Variants in KCNH7 observed in about 807,000 individuals in gnomAD.
KCNH7 encodes potassium voltage-gated channel subfamily H member 7.
A neutral mutation model predicts 120.8 loss-of-function variants in KCNH7; 49 were observed. The ratio of observed to expected loss-of-function variants is 0.41; its 90% CI spans 0.32 to 0.51. The LOEUF (loss-of-function observed/expected upper bound fraction) is 0.51, where lower values mean the gene tolerates loss of function less well. KCNH7 is among the 20% of genes least tolerant of loss of function. The pLI is 0.38. For missense variants in KCNH7, 1,097 were observed against 1,446.6 expected (o/e 0.76, Z 3.92); for synonymous variants, 547 against 516.1 (o/e 1.06, Z -0.81).
intron 6 of KCNH7, among the ~76,000 whole-genome samples, chr2:162,483,018 T>G (rs1689979864): frequency 6.6e-6 from 1 of 152,120 alleles, no homozygotes; most frequent in Non-Finnish European, 1.5e-5. Flanking sequence ...AGAAGGAGAA[T>G]GGGAATGAAG....
At chr2:162,673,133 A>G (rs1685417432) in intron 2 of KCNH7, among the ~76,000 whole-genome samples, 2 of 152,048 alleles carry the variant, frequency 1.3e-5, no homozygotes, top group Non-Finnish European at 2.9e-5. Flanking sequence ...ATATTTGCAA[A>G]TTCTATCAGA....
At chr2:162,523,339 A>G (rs1297142834) in intron 3 of KCNH7, among the ~76,000 whole-genome samples, 1 of 151,838 alleles carries the variant, frequency 6.6e-6, no homozygotes, top group African/African-American at 2.4e-5. Flanking sequence ...ATCCCCTAAG[A>G]TTAGTTGATT....
chr2:162,522,380 G>T (rs1046110928), intron 3 of KCNH7, among the ~76,000 whole-genome samples: 1 of 151,802 alleles, frequency 6.6e-6, no homozygotes, highest in Non-Finnish European at 1.5e-5. Flanking sequence ...TATTCCTATA[G>T]TTTAGTCATA....
chr2:162,520,024 C>T (rs901166568), intron 3 of KCNH7, among the ~76,000 whole-genome samples: 1 of 151,610 alleles, frequency 6.6e-6, no homozygotes, highest in Non-Finnish European at 1.5e-5. Context: ...TATTTATCTC[C>T]AGCCCAGACC....
chr2:162,699,719 T>C (rs1686422198), intron 2 of KCNH7, among the ~76,000 whole-genome samples: 1 of 152,202 alleles, frequency 6.6e-6, no homozygotes, highest in Admixed American at 6.6e-5. Context: ...TCATCAATAA[T>C]CACCTCTAAT....
intron 2 of KCNH7, among the ~76,000 whole-genome samples, chr2:162,632,779 C>T (rs1469705525): frequency 1.3e-5 from 2 of 151,652 alleles, no homozygotes; most frequent in Non-Finnish European, 3.0e-5. Context: ...AGCTAACCAT[C>T]TAAAATGAAA....
At chr2:162,636,401 G>A (rs1471276267) in intron 2 of KCNH7, among the ~76,000 whole-genome samples, 2 of 152,098 alleles carry the variant, frequency 1.3e-5, no homozygotes, top group Admixed American at 6.6e-5. Flanking sequence ...AGCCAATGTC[G>A]TGTCGATTAC....
chr2:162,570,677 C>A (rs1693439054), intron 2 of KCNH7, among the ~76,000 whole-genome samples: 1 of 152,098 alleles, frequency 6.6e-6, no homozygotes, highest in East Asian at 1.9e-4. Context: ...ATCGGTTGTT[C>A]CTTTCCATGT....
chr2:162,766,179 G>GT (rs1225179524), intron 2 of KCNH7, among the ~76,000 whole-genome samples: 1 of 151,964 alleles, frequency 6.6e-6, no homozygotes, highest in Non-Finnish European at 1.5e-5. Flanking sequence ...ATGTGTGTGT[G>GT]TGTTTTGTGT....
chr2:162,455,171 C>T (rs1688917169), intron 6 of KCNH7, among the ~76,000 whole-genome samples: 2 of 152,048 alleles, frequency 1.3e-5, no homozygotes, highest in African/African-American at 4.8e-5. Context: ...TTATCAAAGG[C>T]CTTTCCTGCA....
intron 2 of KCNH7, among the ~76,000 whole-genome samples, chr2:162,583,134 C>T (rs768996428): frequency 5.9e-5 from 9 of 152,062 alleles, no homozygotes; most frequent in Non-Finnish European, 1.3e-4. Context: ...ACAAGTCTGC[C>T]TGACTAATAG....
intron 2 of KCNH7, among the ~76,000 whole-genome samples, chr2:162,776,529 A>G (rs1022584918): frequency 5.9e-5 from 9 of 152,126 alleles, no homozygotes; most frequent in Admixed American, 3.9e-4. Context: ...AAGGGAAGGG[A>G]GAGGACAAGA....
intron 2 of KCNH7, among the ~76,000 whole-genome samples, chr2:162,754,574 A>G (rs1395261054): frequency 2.6e-5 from 4 of 152,176 alleles, no homozygotes; most frequent in Non-Finnish European, 4.4e-5. Flanking sequence ...GGATCTGTAC[A>G]TTTATAAATT....
chr2:162,601,719 AAT>A (rs1355100854), intron 2 of KCNH7, among the ~76,000 whole-genome samples: 1 of 152,006 alleles, frequency 6.6e-6, no homozygotes, highest in Non-Finnish European at 1.5e-5. Context: ...AGTTACATTA[AAT>A]ATTGTAAACA....
chr2:162,638,119 C>T lies in KCNH7; in HGVS notation c.308-101039G>A, dbSNP rs552286609. On this transcript the variant is annotated intron_variant, in intron 2 of 15. Transcript: ENST00000332142. ...TTTGACATTGAGGTGATAGTTGCAA[C>T]GTGATCTGGAGGTACTCCTTGGACA... Among the ~76,000 whole-genome samples the T allele has an allele frequency of 6.6e-5, 10 of 152,128 alleles. 2 individuals carry two copies. Among genetic ancestry groups the T allele is most frequent in the African/African-American group, 1.4e-4 (6 of 41,508 alleles).
At chr2:162,445,692 A>G (rs1179338162) in intron 7 of KCNH7, among the ~76,000 whole-genome samples, 1 of 152,282 alleles carries the variant, frequency 6.6e-6, no homozygotes, top group Non-Finnish European at 1.5e-5. Flanking sequence ...AGACATACTT[A>G]ATATTTGAGA....
At chr2:162,468,297 T>C (rs1430747269) in intron 6 of KCNH7, among the ~76,000 whole-genome samples, 1 of 151,884 alleles carries the variant, frequency 6.6e-6, no homozygotes, top group African/African-American at 2.4e-5. Flanking sequence ...ATAATTGAGA[T>C]ACCAAGATCT....
At chr2:162,591,015 A>G (rs1574142061) in intron 2 of KCNH7, among the ~76,000 whole-genome samples, 2 of 152,028 alleles carry the variant, frequency 1.3e-5, no homozygotes, top group South Asian at 2.1e-4. Context: ...TGTTCCTGGG[A>G]TATACTCACC....
intron 2 of KCNH7, among the ~76,000 whole-genome samples, chr2:162,619,889 A>G (rs1361779616): frequency 6.6e-6 from 1 of 151,956 alleles, no homozygotes; most frequent in Non-Finnish European, 1.5e-5. Flanking sequence ...AGGTATTTGC[A>G]TAAATATTTA....
Sources: allele counts gnomAD v4.1 joint callset (sites outside exome capture counted in the v4.1 genomes callset), GRCh38; gene constraint gnomAD v4.1.1; transcripts MANE v1.5; gene names NCBI Gene and HGNC (gene_info 2026-07-23, HGNC 2026-07-21).